The following LRRC20 variants were observed in gnomAD, a reference collection of about 807,000 sequenced individuals.
The protein encoded by LRRC20 is leucine-rich repeat-containing protein 20.
Under a neutral mutation model 14.4 loss-of-function variants are expected in LRRC20, and 11 were observed. That is an observed-to-expected ratio of 0.77 (90% CI 0.48 to 1.27). The LOEUF is 1.27. LRRC20 is among the 50% of genes most tolerant of loss of function. LRRC20 has a pLI of 0.00. For synonymous variants in LRRC20, 121 were observed against 107.3 expected, an observed-to-expected ratio of 1.13 and a Z score of -0.79; for missense variants, 219 against 251.2, an observed-to-expected ratio of 0.87 and a Z score of 0.87.
In LRRC20 at chr10:70,325,360, G is replaced by A. The variant is rs1842278501; in HGVS notation, c.233-1330C>T. The stretch of plus-strand genomic sequence containing the variant: ...TACTGCCTTCCCAGGATAGCGGCCT[G>A]CTCTCCCGCCTGGCCTCCCCCTCCC... On this transcript the variant is annotated intron_variant, in intron 3 of 4. Coordinates refer to ENST00000446961, the MANE Select transcript of LRRC20 (RefSeq NM_001278212.2). Among the ~76,000 whole-genome samples, 3 of 152,200 alleles carry A rather than the reference G, an allele frequency of 2.0e-5. 1 individual carries two copies. Among genetic ancestry groups the A allele is most frequent in the African/African-American group, 2.4e-5 (1 of 41,440 alleles).
At chr10:70,323,269 G>A (rs1429776731) in intron 4 of LRRC20, among the ~76,000 whole-genome samples, 2 of 152,068 alleles carry the variant, frequency 1.3e-5, no homozygotes, top group African/African-American at 4.8e-5. Context: ...ACACATAATC[G>A]CTGCAAGAGG....
At chr10:70,302,436 G>A (rs10999253) in intron 4 of LRRC20, among the ~76,000 whole-genome samples, 10,201 of 152,272 alleles carry the variant, frequency 0.067, 544 homozygotes, top group East Asian at 0.24. Context: ...AAGTAGAACA[G>A]AGGTTCCCAG....
chr10:70,372,786 C>G (rs554662208), intron 2 of LRRC20, among the ~76,000 whole-genome samples: 1 of 151,968 alleles, frequency 6.6e-6, no homozygotes, highest in African/African-American at 2.4e-5. Flanking sequence ...AAATATTACG[C>G]TCCATTGTTG....
intron 2 of LRRC20, among the ~76,000 whole-genome samples, chr10:70,368,528 G>C (rs550560475): frequency 6.6e-6 from 1 of 151,456 alleles, no homozygotes; most frequent in South Asian, 2.1e-4. Context: ...GACCTCAAGT[G>C]ATCTACCCAC....
At chr10:70,366,008 TG>T (rs1816517477) in intron 2 of LRRC20, among the ~76,000 whole-genome samples, 1 of 142,934 alleles carries the variant, frequency 7.0e-6, no homozygotes, top group South Asian at 2.2e-4. Context: ...AGGTAGAGCC[TG>T]CAGTGAGCCG....
chr10:70,358,558 T>C lies in LRRC20; in HGVS notation c.83-17856A>G, dbSNP rs116503040. 4.7e-3 allele frequency among the ~76,000 whole-genome samples: 720 copies of C among 152,302 alleles called. 8 individuals carry two copies. The highest frequency in any genetic ancestry group is 0.017 in the African/African-American group (688 of 41,558). ...ATGGGACCCAGGAAGCAGCAACAAATGTCGCCAACCAGTGCCTTGTGCACC... is the reference window on the plus strand; with the variant it reads ...ATGGGACCCAGGAAGCAGCAACAAACGTCGCCAACCAGTGCCTTGTGCACC... On this transcript the variant is annotated intron_variant, in intron 2 of 4. Coordinates refer to ENST00000446961, the MANE Select transcript of LRRC20 (RefSeq NM_001278212.2).
At chr10:70,351,436 T>A (rs544108436) in intron 2 of LRRC20, among the ~76,000 whole-genome samples, 13 of 152,170 alleles carry the variant, frequency 8.5e-5, no homozygotes, top group African/African-American at 3.1e-4. Flanking sequence ...GAGGGCTCCC[T>A]CCTCCTTCCA....
chr10:70,302,854 G>A (rs1466353774), intron 4 of LRRC20, among the ~76,000 whole-genome samples: 1 of 151,902 alleles, frequency 6.6e-6, no homozygotes, highest in Non-Finnish European at 1.5e-5. Flanking sequence ...GGGACTACAG[G>A]CGCGCGCCAC....
intron 2 of LRRC20, among the ~76,000 whole-genome samples, chr10:70,355,232 G>T (rs1431302749): frequency 1.3e-5 from 2 of 152,228 alleles, no homozygotes; most frequent in African/African-American, 4.8e-5. Context: ...TAACAAAGCT[G>T]TTTGTTGTAG....
chr10:70,339,708 A>G (rs1383651393), intron 3 of LRRC20, among the ~76,000 whole-genome samples: 1 of 152,178 alleles, frequency 6.6e-6, no homozygotes, highest in Non-Finnish European at 1.5e-5. Flanking sequence ...GTCAGGCCAC[A>G]CTGCTTGTCC....
intron 1 of LRRC20, chr10:70,381,350 C>T (rs898397791): frequency 6.6e-6 from 1 of 152,232 alleles, no homozygotes; most frequent in Admixed American, 6.5e-5. Context: ...CAGACAAAAA[C>T]GTTGTCCTGC....
chr10:70,371,136 G>C (rs1470542108), intron 2 of LRRC20, among the ~76,000 whole-genome samples: 1 of 151,658 alleles, frequency 6.6e-6, no homozygotes, highest in Admixed American at 6.6e-5. Context: ...AGAGAAACTA[G>C]AGTATATTAT....
intron 2 of LRRC20, among the ~76,000 whole-genome samples, chr10:70,370,548 T>C (rs4746029): frequency 0.75 from 114,699 of 151,936 alleles, 43,414 homozygotes; most frequent in Non-Finnish European, 0.77. Flanking sequence ...CTAGCCTGGC[T>C]AACATGATGA....
chr10:70,318,589 A>G (rs56086935), intron 4 of LRRC20, among the ~76,000 whole-genome samples: 5,217 of 151,870 alleles, frequency 0.034, 304 homozygotes, highest in African/African-American at 0.12. Context: ...ACCCATCTCT[A>G]CCAAAAATAC....
At chr10:70,324,070 G>T (rs1344588468) in intron 3 of LRRC20, 40 bp from the exon 4 acceptor site, 2 of 1,600,964 alleles carry the variant, frequency 1.2e-6, no homozygotes, top group African/African-American at 2.7e-5. Flanking sequence ...GGATGAGGAG[G>T]GGGCCACCCC....
chr10:70,346,612 T>C (rs1375708522), intron 2 of LRRC20, among the ~76,000 whole-genome samples: 1 of 152,178 alleles, frequency 6.6e-6, no homozygotes, highest in African/African-American at 2.4e-5. Context: ...AGGGTTTTTT[T>C]CTGAAGCAGG....
chr10:70,381,777 C>T lies in LRRC20; in HGVS notation c.-64+772G>A, dbSNP rs1388475088. 5 of 152,376 alleles carry T rather than the reference C, an allele frequency of 3.3e-5. No homozygotes were observed. In the East Asian group the frequency reaches 9.6e-4, roughly 29 times the overall value. The allele number at this position is 152,376 out of a possible 1,614,324, so 9.4% of individuals were successfully genotyped here. A position where few individuals can be genotyped will look rare whatever the true frequency, so the allele number is the denominator to read the frequency against. ...CCCTTCAGATCAGAACGAAGTTGAC[C>T]CACTTCCCCACCCCAGGGAAAGAAG... On this transcript the variant is annotated intron_variant, in intron 1 of 4. Transcript: ENST00000446961.
At chr10:70,344,501 CATA>C (rs766403775) in intron 2 of LRRC20, among the ~76,000 whole-genome samples, 3 of 151,894 alleles carry the variant, frequency 2.0e-5, no homozygotes, top group Non-Finnish European at 2.9e-5. Context: ...GAGAAATGAG[CATA>C]ATGAAAAATG....
intron 2 of LRRC20, among the ~76,000 whole-genome samples, chr10:70,347,193 G>A (rs1053937047): frequency 4.6e-5 from 7 of 152,090 alleles, no homozygotes; most frequent in African/African-American, 1.4e-4. Flanking sequence ...TGGCAAATTC[G>A]CAGATAAATT....
Sources: allele counts gnomAD v4.1 joint callset (sites outside exome capture counted in the v4.1 genomes callset), GRCh38; gene constraint gnomAD v4.1.1; transcripts MANE v1.5; gene names NCBI Gene and HGNC (gene_info 2026-07-23, HGNC 2026-07-21).